The following IGSF9B variants were observed in gnomAD, a reference collection of about 807,000 sequenced individuals.
IGSF9B encodes immunoglobulin superfamily member 9B.
A neutral mutation model predicts 143.7 loss-of-function variants in IGSF9B; 48 were observed. That is an observed-to-expected ratio of 0.33 (90% CI 0.26 to 0.42). The LOEUF is 0.42. Ranked by LOEUF, IGSF9B falls within the 20% of genes least tolerant of loss-of-function variation. The probability of loss-of-function intolerance (pLI) is 1.00; values close to 1 mark genes in which losing one functional copy is unlikely to be tolerated. For synonymous variants in IGSF9B, 903 were observed against 833.1 expected (o/e 1.08, Z -1.44); for missense variants, 1,706 against 1,980.0 (o/e 0.86, Z 2.63).
intron 1 of IGSF9B, among the ~76,000 whole-genome samples, chr11:133,952,409 G>A (rs1940177263): frequency 6.6e-6 from 1 of 152,204 alleles, no homozygotes; most frequent in African/African-American, 2.4e-5. Context: ...GTGGCAGAGT[G>A]GGAGGGGATA....
Position 133,936,157 on chromosome 11 carries a change from G to A in IGSF9B, c.717C>T (p.Thr239=), listed in dbSNP as rs553652236. 30 of 1,612,134 alleles carry A rather than the reference G, an allele frequency of 1.9e-5. No individual in the cohort carries two copies. In the African/African-American group the frequency reaches 2.5e-4, roughly 14 times the overall value. The change falls in exon 6 of 20, where the codon ACC becomes ACT. Residue 239 remains threonine, a synonymous_variant. Transcript: ENST00000533871. The stretch of plus-strand genomic sequence containing the variant: ...GCAGAGCATCCTGGGAGATGTTGAC[G>A]GTGATGTTCTCAGGAGGGGAGACGA... ...PFIVSPPENI[T]VNISQDALLT... is the part of the protein sequence containing the mutation.
At position 133,909,623 on chromosome 11, in the gene IGSF9B, A is replaced by G. The variant is rs558543432; in HGVS notation, c.4106-346T>C. On this transcript the variant is annotated intron_variant, in intron 19 of 19. Coordinates refer to ENST00000533871, the MANE Select transcript of IGSF9B (RefSeq NM_001277285.4). This position sits in a 1 kb window ranked among gnomAD's most constrained non-coding sequence, Gnocchi z 4.2. ...TTCTAGGGACTGGGGATCAGGAAGG[A>G]ACAGGCTGGGACTCAGGACATCTTT... Among the ~76,000 whole-genome samples the G allele has an allele frequency of 2.0e-5, 3 of 152,212 alleles. No individual in the cohort carries two copies. Among genetic ancestry groups the G allele is most frequent in the Non-Finnish European group, 2.9e-5 (2 of 68,040 alleles).
At chr11:133,910,584 G>A (rs1156825195) in intron 19 of IGSF9B, among the ~76,000 whole-genome samples, 1 of 152,160 alleles carries the variant, frequency 6.6e-6, no homozygotes, top group African/African-American at 2.4e-5. Context: ...GACCTGGAGA[G>A]GCTGATCAAT....
intron 5 of IGSF9B, 147 bp downstream of exon 5, chr11:133,937,229 C>T: frequency 1.7e-6 from 1 of 585,890 alleles, no homozygotes; most frequent in Non-Finnish European, 3.0e-6. Context: ...CAGCAGGCAG[C>T]ACACAGGAGC....
chr11:133,956,620 A>ACCGAGGGGCCGGGCGCGAGGGG, intron 1 of IGSF9B, 71 bp downstream of exon 1: 1 of 1,066,958 alleles, frequency 9.4e-7, no homozygotes, highest in South Asian at 1.4e-5. Context: ...GAGCCGGGAA[A>ACCGAGGGGCCGGGCGCGAGGGG]CCGAGGGGCC....
At chr11:133,925,205 G>A (rs1457775222) in intron 14 of IGSF9B, among the ~76,000 whole-genome samples, 2 of 152,224 alleles carry the variant, frequency 1.3e-5, no homozygotes, top group Non-Finnish European at 2.9e-5. Context: ...ATAAATAAGT[G>A]TCCAGGAAGG....
In IGSF9B at chr11:133,928,837, C is replaced by T. The variant is rs1939675136; in HGVS notation, c.1631+834G>A. ...AAAGACCTCATATGACTGCATCTGG[C>T]TAAACTGACAACAGAGGAATGAAAA... On this transcript the variant is annotated intron_variant, in intron 12 of 19. Transcript: ENST00000533871. The surrounding 1 kb of genome is among the most constrained non-coding windows in gnomAD (Gnocchi z 4.7). Among the ~76,000 whole-genome samples the T allele has an allele frequency of 6.6e-6, 1 of 152,166 alleles. No homozygotes were observed. Among genetic ancestry groups the T allele is most frequent in the Admixed American group, 6.5e-5 (1 of 15,288 alleles).
Position 133,956,808 on chromosome 11 carries a change from C to T in IGSF9B, c.-54G>A. On this transcript the variant is annotated 5_prime_UTR_variant, in exon 1 of 20. Transcript: ENST00000533871. ...TCCTATCGCAAAGTGCTCCCGCGCC[C>T]GCACGCGCCTCGCGCCCGAGCGCCC... The T allele has an allele frequency of 1.7e-6, 2 of 1,208,244 alleles. No homozygotes were observed. The highest frequency in any genetic ancestry group is 2.2e-6 in the Non-Finnish European group (2 of 905,996). 74.8% of individuals were successfully genotyped at this position (1,208,244 alleles called of 1,614,324 possible). A position where few individuals can be genotyped will look rare whatever the true frequency, so the allele number is the denominator to read the frequency against.
chr11:133,949,249 C>T (rs982083313), intron 1 of IGSF9B, among the ~76,000 whole-genome samples: 2 of 152,152 alleles, frequency 1.3e-5, no homozygotes, highest in Non-Finnish European at 2.9e-5. Flanking sequence ...CTGGCCTCCA[C>T]CCTCGCTCCA....
At chr11:133,952,687 ACATGC>A (rs1283268892) in intron 1 of IGSF9B, among the ~76,000 whole-genome samples, 3 of 152,222 alleles carry the variant, frequency 2.0e-5, no homozygotes, top group Non-Finnish European at 2.9e-5. Flanking sequence ...CAATGCACAT[ACATGC>A]CAGCATGCAT....
intron 1 of IGSF9B, among the ~76,000 whole-genome samples, chr11:133,956,383 C>T (rs576063764): frequency 7.2e-5 from 11 of 152,102 alleles, no homozygotes; most frequent in African/African-American, 2.6e-4. Flanking sequence ...CTAGGCGCGC[C>T]GGTGTGCACC....
chr11:133,948,804 G>A lies in IGSF9B; in HGVS notation c.65-2546C>T, dbSNP rs1940105287. On this transcript the variant is annotated intron_variant, in intron 1 of 19. Coordinates refer to ENST00000533871, the MANE Select transcript of IGSF9B (RefSeq NM_001277285.4). This position sits in a 1 kb window ranked among gnomAD's most constrained non-coding sequence, Gnocchi z 4.7. Reference sequence around the variant, plus strand: ...GTTCCTTCCCAGGGCTTTGGCCCAGGCAGGAGGAACAGAGGCCTAGGGGGA... The same window carrying A: ...GTTCCTTCCCAGGGCTTTGGCCCAGACAGGAGGAACAGAGGCCTAGGGGGA... 1.3e-5 allele frequency among the ~76,000 whole-genome samples: 2 copies of A among 152,194 alleles called. No individual in the cohort carries two copies. The highest frequency in any genetic ancestry group is 2.9e-5 in the Non-Finnish European group (2 of 68,030).
chr11:133,940,651 CA>C (rs767224811), intron 3 of IGSF9B, among the ~76,000 whole-genome samples: 1 of 147,772 alleles, frequency 6.8e-6, no homozygotes, highest in Non-Finnish European at 1.5e-5. Flanking sequence ...TCATCACACG[CA>C]AAAACATACA....
At chr11:133,925,295 G>T (rs1177988828) in intron 14 of IGSF9B, among the ~76,000 whole-genome samples, 1 of 152,212 alleles carries the variant, frequency 6.6e-6, no homozygotes, top group South Asian at 2.1e-4. Flanking sequence ...GTTTAACGGA[G>T]CTACTGGAAA....
intron 11 of IGSF9B, among the ~76,000 whole-genome samples, chr11:133,930,494 TC>T (rs1939702983): frequency 6.6e-6 from 1 of 152,006 alleles, no homozygotes; most frequent in Admixed American, 6.5e-5. Context: ...CAGGCGAAGG[TC>T]CTGGGACACG....
Position 133,908,861 on chromosome 11 carries a change from A to C in IGSF9B, c.*208T>G. Reference sequence around the variant, plus strand: ...GTCTCCAATCCACTTCCTGACCTCGACCCACAGGTGGAAGGTGTGCCCACC... The same window carrying C: ...GTCTCCAATCCACTTCCTGACCTCGCCCCACAGGTGGAAGGTGTGCCCACC... On this transcript the variant is annotated 3_prime_UTR_variant, in exon 20 of 20. Coordinates refer to ENST00000533871, the MANE Select transcript of IGSF9B (RefSeq NM_001277285.4). The C allele has an allele frequency of 8.9e-6, 5 of 562,884 alleles. No homozygotes were observed. The highest frequency in any genetic ancestry group is 9.5e-6 in the Non-Finnish European group (3 of 316,538). 34.9% of individuals were successfully genotyped at this position (562,884 alleles called of 1,614,324 possible).
chr11:133,929,765 G>A lies in IGSF9B; in HGVS notation c.1537C>T (p.Pro513Ser). Reference protein sequence around the residue: ...LTVIGTSPHAPGSVRVQVSMT... With the variant: ...LTVIGTSPHASGSVRVQVSMT... ...GAGACCTGGACCCGGACACTGCCCG[G>A]GGCATGGGGGCTGGTGCCTGGAGAT... Residue 513 changes from proline (P) to serine (S), a missense_variant, in exon 12 of 20, where the codon CCG becomes TCG. By Grantham distance (74) the Pro-to-Ser change is moderately conservative. Transcript: ENST00000533871. The A allele has an allele frequency of 6.2e-7, 1 of 1,613,440 alleles. No homozygotes were observed. Among genetic ancestry groups the A allele is most frequent in the South Asian group, 1.1e-5 (1 of 91,072 alleles).
At chr11:133,950,307 T>C (rs1378583034) in intron 1 of IGSF9B, among the ~76,000 whole-genome samples, 6 of 152,156 alleles carry the variant, frequency 3.9e-5, no homozygotes, top group Non-Finnish European at 8.8e-5. Context: ...CGGGCGAGCA[T>C]CAGCTGGCAT....
rs1439798528 is a variant in IGSF9B, at chr11:133,953,206, C to T, written c.64+3485G>A. Among the ~76,000 whole-genome samples the T allele has an allele frequency of 6.6e-6, 1 of 152,156 alleles. No individual in the cohort carries two copies. Among genetic ancestry groups the T allele is most frequent in the Non-Finnish European group, 1.5e-5 (1 of 68,028 alleles). ...CTGCTCCTCTGTAACCAGATTCCAG[C>T]CTTCTGTCTCAGAGCCATAAACACG... On this transcript the variant is annotated intron_variant, in intron 1 of 19. Coordinates refer to ENST00000533871, the MANE Select transcript of IGSF9B (RefSeq NM_001277285.4). The surrounding 1 kb of genome is among the most constrained non-coding windows in gnomAD (Gnocchi z 4.2).
Sources: allele counts gnomAD v4.1 joint callset (sites outside exome capture counted in the v4.1 genomes callset), GRCh38; gene constraint gnomAD v4.1.1; non-coding constraint Gnocchi (gnomAD v3.1); transcripts MANE v1.5; gene names NCBI Gene and HGNC (gene_info 2026-07-23, HGNC 2026-07-21).